SH3RF3: variants seen among roughly 807,000 people sequenced by gnomAD.
SH3RF3 encodes SH3 domain containing ring finger 3, also known as E3 ubiquitin-protein ligase SH3RF3.
In SH3RF3, 29 loss-of-function variants were observed where a neutral mutation model predicts 66.3. The observed-to-expected ratio is 0.44, with a 90% confidence interval of 0.33 to 0.60. The LOEUF (loss-of-function observed/expected upper bound fraction) is 0.60, where lower values mean the gene tolerates loss of function less well. Among genes scored for constraint, SH3RF3 ranks in the 20% least tolerant of loss-of-function variants. SH3RF3 has a pLI of 0.04. For synonymous variants in SH3RF3, 583 were observed against 532.0 expected, an observed-to-expected ratio of 1.10 and a Z score of -1.32; for missense variants, 1,194 against 1,190.9, an observed-to-expected ratio of 1.00 and a Z score of -0.04.
At chr2:109,229,066 C>T (rs926018903) in intron 1 of SH3RF3, among the ~76,000 whole-genome samples, 2 of 152,140 alleles carry the variant, frequency 1.3e-5, no homozygotes, top group Admixed American at 6.6e-5. Flanking sequence ...GGATTAGGAG[C>T]TCTGTGTTGG....
At chr2:109,157,163 A>G (rs1193146795) in intron 1 of SH3RF3, among the ~76,000 whole-genome samples, 1 of 152,142 alleles carries the variant, frequency 6.6e-6, no homozygotes, top group African/African-American at 2.4e-5. Context: ...CCAGAGTGTT[A>G]GAATGTTATC....
chr2:109,264,176 C>T (rs907516126), intron 1 of SH3RF3, among the ~76,000 whole-genome samples: 2 of 151,294 alleles, frequency 1.3e-5, no homozygotes, highest in African/African-American at 4.9e-5. Flanking sequence ...CCAGGATCCA[C>T]CCCAAGTCTG....
At chr2:109,144,575 T>C (rs1204934723) in intron 1 of SH3RF3, among the ~76,000 whole-genome samples, 2 of 152,228 alleles carry the variant, frequency 1.3e-5, no homozygotes, top group African/African-American at 4.8e-5. Context: ...GCAAGCAGCG[T>C]TGGGAAAATT....
At chr2:109,435,584 C>T (rs770203865) in intron 6 of SH3RF3, among the ~76,000 whole-genome samples, 74 of 152,260 alleles carry the variant, frequency 4.9e-4, no homozygotes, top group Middle Eastern at 3.4e-3. Flanking sequence ...TGGCTCTTCC[C>T]GTGAGGGCAC....
chr2:109,493,625 CCA>C (rs1679186298), intron 9 of SH3RF3, among the ~76,000 whole-genome samples: 1 of 151,166 alleles, frequency 6.6e-6, no homozygotes, highest in East Asian at 1.9e-4. Flanking sequence ...AACNCACACC[CCA>C]CACATGCTGC....
intron 1 of SH3RF3, among the ~76,000 whole-genome samples, chr2:109,264,262 C>A (rs1011956403): frequency 6.6e-6 from 1 of 150,446 alleles, no homozygotes; most frequent in African/African-American, 2.5e-5. Flanking sequence ...CCAGGATCCA[C>A]CTCGAGTCTG....
intron 3 of SH3RF3, among the ~76,000 whole-genome samples, chr2:109,389,906 CG>C (rs1312792509): frequency 6.6e-6 from 1 of 152,132 alleles, no homozygotes; most frequent in Non-Finnish European, 1.5e-5. Flanking sequence ...TTGGGTGGAG[CG>C]GCCATCTGCC....
intron 1 of SH3RF3, among the ~76,000 whole-genome samples, chr2:109,284,499 C>T (rs1415880330): frequency 6.6e-6 from 1 of 152,196 alleles, no homozygotes; most frequent in Non-Finnish European, 1.5e-5. Context: ...ACTCTCCTCT[C>T]GTCCAGCCTT....
chr2:109,238,459 G>A, intron 1 of SH3RF3, among the ~76,000 whole-genome samples: 1 of 51,144 alleles, frequency 2.0e-5, no homozygotes, highest in Non-Finnish European at 3.8e-5. Context: ...TTGTGTGTGT[G>A]TGTGTGTGTG....
intron 1 of SH3RF3, among the ~76,000 whole-genome samples, chr2:109,329,888 A>C (rs1257085369): frequency 6.6e-6 from 1 of 152,222 alleles, no homozygotes; most frequent in Non-Finnish European, 1.5e-5. Flanking sequence ...AATGGTTTCC[A>C]AAAGTCTCTC....
At chr2:109,346,305 CT>C (rs1314183401) in intron 1 of SH3RF3, among the ~76,000 whole-genome samples, 3 of 152,114 alleles carry the variant, frequency 2.0e-5, no homozygotes, top group Non-Finnish European at 1.5e-5. Context: ...TTTGACGTTG[CT>C]GAAACATAAA....
At chr2:109,373,292 C>G (rs937235212) in intron 3 of SH3RF3, among the ~76,000 whole-genome samples, 22 of 152,236 alleles carry the variant, frequency 1.4e-4, no homozygotes, top group African/African-American at 4.8e-4. Flanking sequence ...AGCTCTCGGA[C>G]ATTTTTAGCT....
At chr2:109,380,856 G>C (rs1157708755) in intron 3 of SH3RF3, among the ~76,000 whole-genome samples, 2 of 152,240 alleles carry the variant, frequency 1.3e-5, no homozygotes, top group African/African-American at 4.8e-5. Context: ...TGGAGAGCCA[G>C]ACACTAATTC....
rs62152236 is a variant in SH3RF3, at chr2:109,336,540, T to C, written c.574-11134T>C. On this transcript the variant is annotated intron_variant, in intron 1 of 9. Transcript: ENST00000309415. ...CCCCGTGTACCCCGCAGGCTGCTCT[T>C]GAAGGAACCAGTTTCCAAGGGAGGA... is the stretch of plus-strand genomic sequence containing the variant. Among the ~76,000 whole-genome samples, 587 of 152,338 alleles carry C rather than the reference T, an allele frequency of 3.9e-3. 1 individual carries two copies. The highest frequency in any genetic ancestry group is 6.4e-3 in the Non-Finnish European group (438 of 68,028).
intron 8 of SH3RF3, among the ~76,000 whole-genome samples, chr2:109,451,851 C>T (rs571441059): frequency 2.0e-5 from 3 of 152,352 alleles, no homozygotes; most frequent in South Asian, 4.1e-4. Flanking sequence ...AGCAGAAGTG[C>T]GTAGGCCACG....
chr2:109,212,645 G>C (rs917146042), intron 1 of SH3RF3, among the ~76,000 whole-genome samples: 23 of 152,210 alleles, frequency 1.5e-4, no homozygotes, highest in African/African-American at 4.8e-4. Flanking sequence ...TTCTTCTCCA[G>C]ATAGCAACCT....
chr2:109,432,347 G>A (rs1012295738), intron 5 of SH3RF3, among the ~76,000 whole-genome samples, 154 bp from the exon 6 acceptor site: 3 of 152,186 alleles, frequency 2.0e-5, no homozygotes, highest in African/African-American at 7.2e-5. Context: ...TGGGGAGGGT[G>A]TGTGAGGCCT....
intron 3 of SH3RF3, among the ~76,000 whole-genome samples, chr2:109,372,791 C>G (rs1286245531): frequency 6.6e-6 from 1 of 152,206 alleles, no homozygotes; most frequent in Non-Finnish European, 1.5e-5. Context: ...CATGTGTCCC[C>G]CCTGCCTGAC....
intron 1 of SH3RF3, among the ~76,000 whole-genome samples, chr2:109,280,588 T>C (rs1680858521): frequency 6.6e-6 from 1 of 152,208 alleles, no homozygotes; most frequent in Non-Finnish European, 1.5e-5. Flanking sequence ...TTAAAAACCC[T>C]GTGTAAGTAG....
Sources: gnomAD v4.1 joint callset for allele counts (sites outside exome capture counted in the v4.1 genomes callset) on GRCh38, gnomAD v4.1.1 for gene constraint, MANE v1.5 for transcripts, NCBI Gene and HGNC (gene_info 2026-07-23, HGNC 2026-07-21) for gene names.